Variants in TAFA1 observed in about 807,000 individuals in gnomAD.
TAFA1 encodes chemokine-like protein TAFA-1.
TAFA1 carries 4 observed loss-of-function variants against 18.5 expected under a neutral mutation model. That is an observed-to-expected ratio of 0.22 (90% CI 0.11 to 0.49). The LOEUF (loss-of-function observed/expected upper bound fraction) is 0.49, where lower values mean the gene tolerates loss of function less well. TAFA1 is among the 20% of genes least tolerant of loss of function. TAFA1 has a pLI of 0.98. For synonymous variants in TAFA1, 56 were observed against 55.2 expected, an observed-to-expected ratio of 1.01 and a Z score of -0.06; for missense variants, 147 against 169.0, an observed-to-expected ratio of 0.87 and a Z score of 0.72.
chr3:68,430,701 C>T (rs1510357), intron 3 of TAFA1, among the ~76,000 whole-genome samples: 149,476 of 151,992 alleles, frequency 0.98, 73,513 homozygotes, highest in East Asian at 1. Context: ...CTTTTTGATA[C>T]TACCAGCCTC....
chr3:68,318,248 C>T (rs1336459871), intron 2 of TAFA1, among the ~76,000 whole-genome samples: 3 of 152,152 alleles, frequency 2.0e-5, no homozygotes, highest in African/African-American at 7.2e-5. Flanking sequence ...GGTGACACAC[C>T]TCGGCTCAAG....
Position 68,294,130 on chromosome 3 carries a change from A to C in TAFA1, c.119-123150A>C, listed in dbSNP as rs183351628. The stretch of plus-strand genomic sequence containing the variant: ...AATATTCTTCACTGTCAAATTATGT[A>C]ATAAACAACAACAATAATTCAAAAT... On this transcript the variant is annotated intron_variant, in intron 2 of 4. Transcript: ENST00000478136. 1.9e-3 allele frequency among the ~76,000 whole-genome samples: 295 copies of C among 152,288 alleles called. 1 individual carries two copies. The highest frequency in any genetic ancestry group is 3.5e-3 in the Non-Finnish European group (238 of 68,032).
chr3:68,072,569 A>C (rs2064770278), intron 2 of TAFA1, among the ~76,000 whole-genome samples: 1 of 152,212 alleles, frequency 6.6e-6, no homozygotes, highest in African/African-American at 2.4e-5. Context: ...AAGGATAGCC[A>C]AGAAACATTT....
At chr3:68,072,625 A>G (rs1041398693) in intron 2 of TAFA1, among the ~76,000 whole-genome samples, 1 of 152,166 alleles carries the variant, frequency 6.6e-6, no homozygotes, top group African/African-American at 2.4e-5. Context: ...AGAGGTTAGG[A>G]AGAAGAGAGG....
intron 2 of TAFA1, among the ~76,000 whole-genome samples, chr3:68,043,703 C>A (rs2106684656): frequency 6.6e-6 from 1 of 152,190 alleles, no homozygotes; most frequent in Non-Finnish European, 1.5e-5. Flanking sequence ...TCTTTCTTCC[C>A]AGGTCATTTT....
At chr3:68,049,137 CTA>C (rs947076319) in intron 2 of TAFA1, among the ~76,000 whole-genome samples, 5 of 152,146 alleles carry the variant, frequency 3.3e-5, no homozygotes, top group Non-Finnish European at 7.4e-5. Context: ...CAATGTATAA[CTA>C]TATGCAGTGG....
intron 2 of TAFA1, among the ~76,000 whole-genome samples, chr3:68,202,727 G>T (rs2066482552): frequency 6.6e-6 from 1 of 151,392 alleles, no homozygotes; most frequent in Non-Finnish European, 1.5e-5. Context: ...TTTCTCTAGT[G>T]AAATTTACTT....
intron 2 of TAFA1, among the ~76,000 whole-genome samples, chr3:68,123,876 T>C (rs963236077): frequency 3.7e-5 from 2 of 54,232 alleles, no homozygotes; most frequent in African/African-American, 6.6e-5. Flanking sequence ...CACTTTTTTT[T>C]CCAAAAAAAA....
chr3:68,087,987 C>T (rs2064990807), intron 2 of TAFA1, among the ~76,000 whole-genome samples: 1 of 152,114 alleles, frequency 6.6e-6, no homozygotes, highest in Non-Finnish European at 1.5e-5. Flanking sequence ...TTAGACACAG[C>T]TCATGTTTTT....
chr3:68,440,046 C>T (rs1445117271), intron 3 of TAFA1, among the ~76,000 whole-genome samples: 3 of 151,900 alleles, frequency 2.0e-5, no homozygotes, highest in Admixed American at 6.6e-5. Context: ...TGTGTCCCCC[C>T]CCTCCAAATC....
At chr3:68,309,209 T>C (rs2313280) in intron 2 of TAFA1, among the ~76,000 whole-genome samples, 15,666 of 152,214 alleles carry the variant, frequency 0.1, 1,243 homozygotes, top group East Asian at 0.36. Flanking sequence ...GGATCCTTAG[T>C]CTAGAACATA....
At chr3:68,213,981 A>G (rs1472792749) in intron 2 of TAFA1, among the ~76,000 whole-genome samples, 2 of 152,120 alleles carry the variant, frequency 1.3e-5, no homozygotes, top group African/African-American at 4.8e-5. Flanking sequence ...AGTTAACTAC[A>G]AAGTAGGCAA....
chr3:68,060,471 C>T (rs1245247782), intron 2 of TAFA1, among the ~76,000 whole-genome samples: 1 of 152,164 alleles, frequency 6.6e-6, no homozygotes, highest in Non-Finnish European at 1.5e-5. Flanking sequence ...GGCCATAACA[C>T]TTTACCTTGA....
intron 2 of TAFA1, among the ~76,000 whole-genome samples, chr3:68,097,890 C>T (rs1174419686): frequency 1.3e-5 from 2 of 152,132 alleles, no homozygotes; most frequent in East Asian, 3.9e-4. Context: ...CAGCATGGCA[C>T]AATAAAATAT....
At chr3:68,125,316 A>T (rs1256367175) in intron 2 of TAFA1, among the ~76,000 whole-genome samples, 1 of 152,232 alleles carries the variant, frequency 6.6e-6, no homozygotes, top group East Asian at 1.9e-4. Flanking sequence ...AAGCACTTAG[A>T]AGAGAGCCTG....
At chr3:68,324,063 T>C (rs527949237) in intron 2 of TAFA1, among the ~76,000 whole-genome samples, 3 of 152,322 alleles carry the variant, frequency 2.0e-5, no homozygotes, top group Admixed American at 1.3e-4. Context: ...TTGTAGTATA[T>C]GCTTTCGATT....
chr3:68,297,471 C>T (rs28393467), intron 2 of TAFA1, among the ~76,000 whole-genome samples: 9,637 of 152,240 alleles, frequency 0.063, 473 homozygotes, highest in African/African-American at 0.13. Flanking sequence ...AACCCCAATT[C>T]CTAGAGATTC....
intron 2 of TAFA1, among the ~76,000 whole-genome samples, chr3:68,075,619 G>C (rs1163360448): frequency 3.9e-5 from 6 of 151,928 alleles, no homozygotes; most frequent in African/African-American, 1.5e-4. Flanking sequence ...AGTGTCTCAA[G>C]TGGGTAGAAA....
At chr3:68,086,384 A>C (rs547932002) in intron 2 of TAFA1, among the ~76,000 whole-genome samples, 1 of 152,296 alleles carries the variant, frequency 6.6e-6, no homozygotes, top group Admixed American at 6.5e-5. Context: ...TACAATTTGC[A>C]GAAGTTCTCT....
Sources: allele counts gnomAD v4.1 joint callset (sites outside exome capture counted in the v4.1 genomes callset), GRCh38; gene constraint gnomAD v4.1.1; transcripts MANE v1.5; gene names NCBI Gene and HGNC (gene_info 2026-07-23, HGNC 2026-07-21).